Variants in ANKRD20A1 observed in about 807,000 individuals in gnomAD.
The protein encoded by ANKRD20A1 is ankyrin repeat domain 20 family member A1.
ANKRD20A1 carries 2 observed loss-of-function variants against 50.9 expected under a neutral mutation model. The ratio of observed to expected loss-of-function variants is 0.04; its 90% confidence interval spans 0.02 to 0.12. The LOEUF (loss-of-function observed/expected upper bound fraction) is 0.12, where lower values mean the gene tolerates loss of function less well. ANKRD20A1 is among the 10% of genes least tolerant of loss of function. ANKRD20A1 has a pLI of 1.00. For missense variants in ANKRD20A1, 31 were observed against 548.1 expected, an observed-to-expected ratio of 0.06 and a Z score of 9.42; for synonymous variants, 10 against 186.2, an observed-to-expected ratio of 0.05 and a Z score of 7.70.
At chr9:67,881,684 G>T (rs1295011728) in intron 8 of ANKRD20A1, among the ~76,000 whole-genome samples, 2 of 152,292 alleles carry the variant, frequency 1.3e-5, no homozygotes, top group African/African-American at 2.4e-5. Context: ...AACCCCAGCT[G>T]CTCAGGAGGC....
chr9:67,891,297 A>G, intron 11 of ANKRD20A1, among the ~76,000 whole-genome samples: 1 of 139,676 alleles, frequency 7.2e-6, no homozygotes, highest in Non-Finnish European at 1.6e-5. Flanking sequence ...TCCATCTCAA[A>G]CAACAACAAC....
intron 5 of ANKRD20A1, among the ~76,000 whole-genome samples, chr9:67,868,825 C>G (rs1587597081): frequency 1.6e-5 from 1 of 62,574 alleles, no homozygotes; most frequent in African/African-American, 4.7e-5. Context: ...AGTATAATCC[C>G]CATGCATGGG....
intron 8 of ANKRD20A1, among the ~76,000 whole-genome samples, chr9:67,880,988 G>T (rs1295456716): frequency 8.0e-6 from 1 of 125,566 alleles, no homozygotes; most frequent in African/African-American, 2.7e-5. Flanking sequence ...ATTTTTAGTG[G>T]CAAGAATATT....
rs1264702398 is a variant in ANKRD20A1 at position 67,899,065 on chromosome 9, C to G, written c.1317-82C>G. The G allele has an allele frequency of 1.3e-5, 8 of 634,648 alleles. 2 individuals are homozygous for G. Among genetic ancestry groups the G allele is most frequent in the South Asian group, 6.3e-5 (2 of 31,544 alleles). 39.3% of individuals were successfully genotyped at this position (634,648 alleles called of 1,614,324 possible). A position where few individuals can be genotyped will look rare whatever the true frequency, so the allele number is the denominator to read the frequency against. On this transcript the variant is annotated intron_variant, in intron 13 of 14. Coordinates refer to ENST00000562196, the MANE Select transcript of ANKRD20A1 (RefSeq NM_032250.5). ...ATAGAAATTTTATTAGGATAATAAA[C>G]AACATCTGCAGAGGTAGGTAACAGG...
intron 8 of ANKRD20A1, among the ~76,000 whole-genome samples, chr9:67,881,662 G>T (rs1404277927): frequency 6.6e-6 from 1 of 152,272 alleles, no homozygotes; most frequent in Non-Finnish European, 1.5e-5. Context: ...AGGCGTGATG[G>T]TGCATGCCTG....
Position 67,884,484 on chromosome 9 carries a change from A to T in ANKRD20A1, c.895-2A>T, listed in dbSNP as rs752234017. ...GGAAACTAATTCTTGATATTACCTT[A>T]GCAGTGTGTCCCCGAGAAAGTGTCA... On this transcript the variant is annotated splice_acceptor_variant, in intron 8 of 14. Transcript: ENST00000562196. LOFTEE classifies it high-confidence loss of function. 6.3e-7 allele frequency: 1 copy of T among 1,583,634 alleles called. No homozygotes were observed. The highest frequency in any genetic ancestry group is 8.5e-7 in the Non-Finnish European group (1 of 1,172,670).
intron 9 of ANKRD20A1, among the ~76,000 whole-genome samples, chr9:67,884,830 C>T (rs1827851230): frequency 6.6e-6 from 1 of 151,336 alleles, no homozygotes; most frequent in South Asian, 2.1e-4. Flanking sequence ...GCGGGGCTTG[C>T]AGTGAGCGGA....
chr9:67,890,469 AC>A (rs1336614199), intron 11 of ANKRD20A1, among the ~76,000 whole-genome samples: 1 of 152,208 alleles, frequency 6.6e-6, no homozygotes, highest in Non-Finnish European at 1.5e-5. Flanking sequence ...ACCTTCCAAA[AC>A]CAAATATTAA....
chr9:67,882,800 C>T (rs1244864536), intron 8 of ANKRD20A1, among the ~76,000 whole-genome samples: 37 of 149,004 alleles, frequency 2.5e-4, no homozygotes, highest in East Asian at 8.6e-4. Flanking sequence ...GTCCGCCCCA[C>T]GACAGGCCCC....
intron 3 of ANKRD20A1, among the ~76,000 whole-genome samples, chr9:67,865,825 T>C (rs1173562127): frequency 5.0e-4 from 73 of 146,350 alleles, no homozygotes; most frequent in South Asian, 8.8e-4. Flanking sequence ...TCCTATGTTA[T>C]AGTATATTTT....
At chr9:67,885,163 A>T (rs1175705840) in intron 9 of ANKRD20A1, among the ~76,000 whole-genome samples, 7 of 152,236 alleles carry the variant, frequency 4.6e-5, no homozygotes, top group Non-Finnish European at 1.5e-5. Flanking sequence ...AGAAAGAAAG[A>T]ATGAGGAGAG....
chr9:67,897,127 G>T (rs1314807352), intron 12 of ANKRD20A1, among the ~76,000 whole-genome samples: 1 of 97,338 alleles, frequency 1.0e-5, no homozygotes, highest in African/African-American at 3.0e-5. Flanking sequence ...TGTTCCCGAA[G>T]GCCTACAAGG....
intron 11 of ANKRD20A1, among the ~76,000 whole-genome samples, chr9:67,893,032 AATT>A (rs1210211368): frequency 1.3e-5 from 1 of 78,286 alleles, no homozygotes; most frequent in African/African-American, 4.1e-5. Flanking sequence ...TAATTTTGCA[AATT>A]ATTAGTAACT....
intron 11 of ANKRD20A1, among the ~76,000 whole-genome samples, chr9:67,891,309 A>G (rs1374142841): frequency 7.1e-6 from 1 of 139,956 alleles, no homozygotes; most frequent in Non-Finnish European, 1.6e-5. Flanking sequence ...AACAACAACA[A>G]CAACAACAAC....
chr9:67,881,945 G>C (rs1440369048), intron 8 of ANKRD20A1, among the ~76,000 whole-genome samples: 6 of 141,660 alleles, frequency 4.2e-5, no homozygotes, highest in African/African-American at 1.3e-4. Flanking sequence ...GTGTATCCTG[G>C]AGTACCTAGA....
chr9:67,881,540 G>A (rs1434600660), intron 8 of ANKRD20A1, among the ~76,000 whole-genome samples: 1 of 151,970 alleles, frequency 6.6e-6, no homozygotes, highest in Non-Finnish European at 1.5e-5. Context: ...GCCGAGGTCG[G>A]TAGATCACCT....
chr9:67,880,882 T>A (rs1442149108), intron 8 of ANKRD20A1, among the ~76,000 whole-genome samples: 1 of 89,422 alleles, frequency 1.1e-5, no homozygotes, highest in Non-Finnish European at 2.4e-5. Context: ...ATACTTTGAC[T>A]TTTAAATCAT....
In ANKRD20A1 at chr9:67,896,445, T is replaced by C. The variant is rs1166079016; in HGVS notation, c.1153-1114T>C. ...TTCTGTTGAATCAGACCTTACGTTA[T>C]GTTGTTTAATAAAGTATGGTGAGTT... is the stretch of plus-strand genomic sequence containing the variant. On this transcript the variant is annotated intron_variant, in intron 12 of 14. Transcript: ENST00000562196. Among the ~76,000 whole-genome samples, 2 of 91,468 alleles carry C rather than the reference T, an allele frequency of 2.2e-5. 1 individual carries two copies. Among genetic ancestry groups the C allele is most frequent in the African/African-American group, 6.5e-5 (2 of 30,540 alleles). The allele number at this position is 91,468 out of a possible 152,430, so 60.0% of individuals were successfully genotyped here.
At chr9:67,881,628 A>G (rs1332043272) in intron 8 of ANKRD20A1, among the ~76,000 whole-genome samples, 1 of 152,290 alleles carries the variant, frequency 6.6e-6, no homozygotes, top group Non-Finnish European at 1.5e-5. Flanking sequence ...AAAACAAAAC[A>G]AAACAAAAGC....
Sources: allele counts gnomAD v4.1 joint callset (sites outside exome capture counted in the v4.1 genomes callset), GRCh38; gene constraint gnomAD v4.1.1; transcripts MANE v1.5; gene names NCBI Gene and HGNC (gene_info 2026-07-23, HGNC 2026-07-21).